The following PITPNC1 variants were observed in gnomAD, a reference collection of about 807,000 sequenced individuals.
PITPNC1 encodes the protein phosphatidylinositol transfer protein cytoplasmic 1.
In PITPNC1, 18 loss-of-function variants were observed where a neutral mutation model predicts 44.7. That is an observed-to-expected ratio of 0.40 (90% CI 0.28 to 0.60). The LOEUF (loss-of-function observed/expected upper bound fraction) is 0.60, where lower values mean the gene tolerates loss of function less well. PITPNC1 is among the 20% of genes least tolerant of loss of function. The pLI is 0.39. For synonymous variants in PITPNC1, 141 were observed against 149.6 expected, an observed-to-expected ratio of 0.94 and a Z score of 0.42; for missense variants, 290 against 418.4, an observed-to-expected ratio of 0.69 and a Z score of 2.68.
rs189174274 is a variant in PITPNC1 at position 67,499,263 on chromosome 17, G to A, written c.49-33539G>A. On this transcript the variant is annotated intron_variant, in intron 1 of 8. Transcript: ENST00000581322. ...AGAGTCTCGCTCTGTTGCCCATGTT[G>A]GAGTGCAATGGTGTGATCTCAGCTC... Among the ~76,000 whole-genome samples the A allele has an allele frequency of 1.8e-4, 27 of 152,212 alleles. 2 individuals carry two copies. Among genetic ancestry groups the A allele is most frequent in the Admixed American group, 1.6e-3 (24 of 15,300 alleles).
chr17:67,460,740 C>CT lies in PITPNC1; in HGVS notation c.49-72040dup, dbSNP rs138545288. Among the ~76,000 whole-genome samples the CT allele has an allele frequency of 2.0e-3, 240 of 121,534 alleles. 5 individuals are homozygous for CT. In the East Asian group the frequency reaches 0.022, roughly 11 times the overall value. The allele number at this position is 121,534 out of a possible 152,430, so 79.7% of individuals were successfully genotyped here. On this transcript the variant is annotated intron_variant, in intron 1 of 8. Transcript: ENST00000581322. ...CTTTCTTTTTTCTTTTTCTTTCTTT[C>CT]TTTTTTTTTTTTTTTTTTTTTTGAG...
intron 1 of PITPNC1, among the ~76,000 whole-genome samples, chr17:67,394,844 G>A (rs1181573233): frequency 2.6e-5 from 4 of 151,946 alleles, no homozygotes; most frequent in South Asian, 2.1e-4. Context: ...GCAGTGAGCC[G>A]AGATTGTGCC....
intron 1 of PITPNC1, among the ~76,000 whole-genome samples, chr17:67,448,735 C>T (rs2039135410): frequency 2.6e-5 from 4 of 152,136 alleles, no homozygotes; most frequent in Admixed American, 2.6e-4. Context: ...CTTACCTAGG[C>T]CATACTTACT....
At chr17:67,517,902 A>G (rs1162054562) in intron 1 of PITPNC1, among the ~76,000 whole-genome samples, 1 of 152,234 alleles carries the variant, frequency 6.6e-6, no homozygotes, top group Non-Finnish European at 1.5e-5. Flanking sequence ...AGTATGGGAA[A>G]CATCTATATG....
intron 1 of PITPNC1, among the ~76,000 whole-genome samples, chr17:67,432,815 T>C (rs528868137): frequency 1.4e-5 from 2 of 144,450 alleles, no homozygotes; most frequent in African/African-American, 5.2e-5. Flanking sequence ...AGATTTCAGG[T>C]GTATGTGACT....
chr17:67,519,556 T>G (rs1357194864), intron 1 of PITPNC1, among the ~76,000 whole-genome samples: 1 of 152,196 alleles, frequency 6.6e-6, no homozygotes, highest in African/African-American at 2.4e-5. Flanking sequence ...ACTGACGACC[T>G]CAGGAGAGCA....
intron 6 of PITPNC1, among the ~76,000 whole-genome samples, chr17:67,650,847 C>T (rs767571963): frequency 6.6e-6 from 1 of 152,188 alleles, no homozygotes; most frequent in African/African-American, 2.4e-5. Flanking sequence ...GTGTTTGTGG[C>T]ACTGAACTAT....
At chr17:67,524,152 A>C (rs989053015) in intron 1 of PITPNC1, among the ~76,000 whole-genome samples, 8 of 152,210 alleles carry the variant, frequency 5.3e-5, no homozygotes, top group African/African-American at 1.9e-4. Flanking sequence ...TGTAGAAAGA[A>C]ACACATAGGC....
At chr17:67,600,886 C>T (rs1247268222) in intron 5 of PITPNC1, among the ~76,000 whole-genome samples, 2 of 151,922 alleles carry the variant, frequency 1.3e-5, no homozygotes, top group Admixed American at 6.6e-5. Context: ...TGAAGAGAGA[C>T]ATAAATCCTT....
At chr17:67,436,913 T>TG (rs1274828272) in intron 1 of PITPNC1, among the ~76,000 whole-genome samples, 1 of 119,456 alleles carries the variant, frequency 8.4e-6, no homozygotes, top group Admixed American at 8.1e-5. Context: ...GGGGTGTTTT[T>TG]TTTTTTTTTT....
intron 5 of PITPNC1, among the ~76,000 whole-genome samples, chr17:67,617,994 C>T (rs748882907): frequency 6.6e-6 from 1 of 152,104 alleles, no homozygotes; most frequent in Non-Finnish European, 1.5e-5. Flanking sequence ...AGTATTGATG[C>T]CTCTGCCTAT....
intron 1 of PITPNC1, among the ~76,000 whole-genome samples, chr17:67,502,879 C>T (rs1306792203): frequency 1.3e-5 from 2 of 151,990 alleles, no homozygotes; most frequent in Admixed American, 6.6e-5. Flanking sequence ...CTGCAACCTC[C>T]GCCTCCTGGG....
intron 5 of PITPNC1, among the ~76,000 whole-genome samples, chr17:67,586,962 A>C (rs2041326596): frequency 6.6e-6 from 1 of 152,164 alleles, no homozygotes; most frequent in Admixed American, 6.5e-5. Flanking sequence ...ATCTATTTTG[A>C]AAACAGAGTG....
chr17:67,572,474 G>C (rs1252169419), intron 4 of PITPNC1, among the ~76,000 whole-genome samples: 2 of 116,484 alleles, frequency 1.7e-5, no homozygotes, highest in African/African-American at 6.3e-5. Flanking sequence ...AAAGCGGGGG[G>C]GGGGGGTAAA....
rs114354015 is a variant in PITPNC1, at chr17:67,668,128, C to T, written c.463-1380C>T. Among the ~76,000 whole-genome samples, 1,509 of 152,228 alleles carry T rather than the reference C, an allele frequency of 9.9e-3. 25 individuals carry two copies. Among genetic ancestry groups the T allele is most frequent in the African/African-American group, 0.034 (1,408 of 41,518 alleles). ...ATCATCCCAGAAGTTTCCTTCATGT[C>T]CCTTTGCACCAAGCCCCCACCCCCA... On this transcript the variant is annotated intron_variant, in intron 6 of 8. Transcript: ENST00000581322.
At chr17:67,567,887 C>T (rs2041001992) in intron 4 of PITPNC1, among the ~76,000 whole-genome samples, 1 of 151,690 alleles carries the variant, frequency 6.6e-6, no homozygotes, top group African/African-American at 2.4e-5. Context: ...GCAGGAGAAT[C>T]GCTTGAACCC....
intron 1 of PITPNC1, among the ~76,000 whole-genome samples, chr17:67,414,784 G>A (rs990553350): frequency 1.3e-5 from 2 of 152,148 alleles, no homozygotes; most frequent in Non-Finnish European, 2.9e-5. Context: ...AATATCTGGG[G>A]CAAAGGGGAA....
At position 67,378,217 on chromosome 17, in the gene PITPNC1, C is replaced by G; in HGVS notation, c.48+15C>G. The stretch of plus-strand genomic sequence containing the variant: ...CCGTAGACGAGGTAAGCGCCGCGCC[C>G]GGCCCGGCCTCGCCCGCTCCGGGAC... On this transcript the variant is annotated intron_variant, in intron 1 of 8. Transcript: ENST00000581322. 2.6e-6 allele frequency: 4 copies of G among 1,510,264 alleles called. No homozygotes were observed. Among genetic ancestry groups the G allele is most frequent in the South Asian group, 1.2e-5 (1 of 80,536 alleles). The allele number at this position is 1,510,264 out of a possible 1,614,324, so 93.6% of individuals were successfully genotyped here. A position where few individuals can be genotyped will look rare whatever the true frequency, so the allele number is the denominator to read the frequency against.
At chr17:67,451,994 A>G (rs192751010) in intron 1 of PITPNC1, among the ~76,000 whole-genome samples, 1 of 150,568 alleles carries the variant, frequency 6.6e-6, no homozygotes, top group Admixed American at 6.6e-5. Context: ...TGTTGAATGC[A>G]TCAGTGGTTG....
Sources: allele counts gnomAD v4.1 joint callset (sites outside exome capture counted in the v4.1 genomes callset), GRCh38; gene constraint gnomAD v4.1.1; transcripts MANE v1.5; gene names NCBI Gene and HGNC (gene_info 2026-07-23, HGNC 2026-07-21).